SNX27: variants seen among roughly 807,000 people sequenced by gnomAD.
SNX27 encodes sorting nexin-27.
SNX27 carries 22 observed loss-of-function variants against 71.6 expected under a neutral mutation model. The ratio of observed to expected loss-of-function variants is 0.31; its 90% CI spans 0.22 to 0.44. The LOEUF is 0.44. Among genes scored for constraint, SNX27 ranks in the 20% least tolerant of loss-of-function variants. The pLI is 1.00. For synonymous variants in SNX27, 269 were observed against 277.2 expected (o/e 0.97, Z 0.29); for missense variants, 531 against 698.6 (o/e 0.76, Z 2.70).
At position 151,693,428 on chromosome 1, in the gene SNX27, A is replaced by G. The variant is rs753870444; in HGVS notation, c.1523A>G (p.Asn508Ser). ...RWVKIFTPYFNYMHECFERVF... is the reference protein window; with the variant it reads ...RWVKIFTPYFSYMHECFERVF... ...TGTCACCACCTTTTTTTTCAGTTCA[A>G]TTACATGCATGAGTGCTTCGAGAGG... Residue 508 changes from asparagine (N) to serine (S), a missense_variant, in exon 11 of 12, where the codon AAT (asparagine) becomes AGT (serine). Coordinates refer to ENST00000458013, the MANE Select transcript of SNX27 (RefSeq NM_001330723.2). 1.4e-5 allele frequency: 22 copies of G among 1,613,976 alleles called. No homozygotes were observed. The highest frequency in any genetic ancestry group is 3.3e-5 in the Admixed American group (2 of 59,964).
intron 7 of SNX27, among the ~76,000 whole-genome samples, chr1:151,670,603 GAT>G (rs746074436): frequency 3.7e-4 from 56 of 152,228 alleles, no homozygotes; most frequent in Middle Eastern, 6.8e-3. Context: ...AGGGTGAGAT[GAT>G]ATCTCATTGT....
chr1:151,648,254 C>T lies in SNX27; in HGVS notation c.543+9135C>T, dbSNP rs191700306. On this transcript the variant is annotated intron_variant, in intron 2 of 11. Coordinates refer to ENST00000458013, the MANE Select transcript of SNX27 (RefSeq NM_001330723.2). ...GTTTTTGGTAGAGATGGGGTTTCAT[C>T]ATGTTGCCCAGGCTGGTCTTGAACT... Among the ~76,000 whole-genome samples, 115 of 152,196 alleles carry T rather than the reference C, an allele frequency of 7.6e-4. 2 individuals are homozygous for T. In the East Asian group the frequency reaches 0.015, roughly 19 times the overall value.
chr1:151,624,932 C>T (rs1278068753), intron 1 of SNX27, among the ~76,000 whole-genome samples: 1 of 152,114 alleles, frequency 6.6e-6, no homozygotes, highest in African/African-American at 2.4e-5. Flanking sequence ...CTTGTTACTT[C>T]TGGCTGGAGG....
chr1:151,664,738 G>T (rs1178413752), intron 5 of SNX27, among the ~76,000 whole-genome samples: 1 of 152,052 alleles, frequency 6.6e-6, no homozygotes, highest in African/African-American at 2.4e-5. Flanking sequence ...AGGATCTCAG[G>T]CATTTATGAA....
chr1:151,671,604 G>A (rs1457927474), intron 7 of SNX27, among the ~76,000 whole-genome samples: 3 of 151,804 alleles, frequency 2.0e-5, no homozygotes, highest in African/African-American at 7.3e-5. Context: ...ATAAATTTTA[G>A]GATAGTTTTT....
chr1:151,627,969 A>G (rs1668022449), intron 1 of SNX27, among the ~76,000 whole-genome samples: 1 of 150,924 alleles, frequency 6.6e-6, no homozygotes, highest in African/African-American at 2.4e-5. Context: ...TCCCTTGGCA[A>G]CATGGACTTA....
intron 8 of SNX27, 50 bp downstream of exon 8, chr1:151,683,495 A>G (rs1671060804): frequency 1.5e-6 from 2 of 1,378,572 alleles, no homozygotes; most frequent in Non-Finnish European, 2.0e-6. Context: ...TCCTACCTTT[A>G]AAACCTATAG....
chr1:151,664,989 C>G (rs912438913), intron 5 of SNX27, among the ~76,000 whole-genome samples: 15 of 152,152 alleles, frequency 9.9e-5, no homozygotes, highest in Admixed American at 1.3e-4. Context: ...ATGTCCAGTT[C>G]CTCTATCACA....
At chr1:151,693,086 G>GTTT in intron 10 of SNX27, 47 bp downstream of exon 10, 1 of 1,472,446 alleles carries the variant, frequency 6.8e-7, no homozygotes, top group South Asian at 1.3e-5. Context: ...TTGTTTTTTT[G>GTTT]TTTTTTTTTT....
intron 5 of SNX27, among the ~76,000 whole-genome samples, chr1:151,662,931 G>A (rs940600729): frequency 4.0e-5 from 6 of 148,360 alleles, no homozygotes; most frequent in African/African-American, 1.5e-4. Context: ...TTTCCTTTAA[G>A]TATTTAAAGG....
intron 2 of SNX27, among the ~76,000 whole-genome samples, chr1:151,649,387 A>C (rs1669219629): frequency 6.6e-6 from 1 of 152,006 alleles, no homozygotes; most frequent in African/African-American, 2.4e-5. Flanking sequence ...GCTTGAGATC[A>C]CCCTGGGCAA....
In SNX27 at chr1:151,621,105, A is replaced by G. The variant is rs542830879; in HGVS notation, c.311+8593A>G. Among the ~76,000 whole-genome samples, 13 of 152,332 alleles carry G rather than the reference A, an allele frequency of 8.5e-5. No individual in the cohort carries two copies. In the East Asian group the frequency reaches 1.4e-3, roughly 16 times the overall value. Reference sequence around the variant, plus strand: ...GTACTAAAGTTTACACTTAATACCTACCTTCAAAATGAAAATTCATGTGAA... The same window carrying G: ...GTACTAAAGTTTACACTTAATACCTGCCTTCAAAATGAAAATTCATGTGAA... On this transcript the variant is annotated intron_variant, in intron 1 of 11. Coordinates refer to ENST00000458013, the MANE Select transcript of SNX27 (RefSeq NM_001330723.2).
chr1:151,693,823 C>T, intron 11 of SNX27: 1 of 1,441,624 alleles, frequency 6.9e-7, no homozygotes, highest in Admixed American at 2.8e-5. Context: ...GGAAGCTGTC[C>T]TCAGTTGTAG....
chr1:151,692,523 T>C lies in SNX27; in HGVS notation c.1328T>C (p.Ile443Thr). 2 of 1,585,784 alleles carry C rather than the reference T, an allele frequency of 1.3e-6. No individual in the cohort carries two copies. Among genetic ancestry groups the C allele is most frequent in the Non-Finnish European group, 1.7e-6 (2 of 1,162,636 alleles). The change falls in exon 9 of 12, where the codon ATC becomes ACC. Residue 443 changes from isoleucine to threonine, a missense_variant. Around this residue, in one of 5 missense-constraint regions of SNX27, gnomAD observed 157 missense variants for 178.4 expected, o/e 0.88. Coordinates refer to ENST00000458013, the MANE Select transcript of SNX27 (RefSeq NM_001330723.2). Reference sequence around the variant, plus strand: ...GACTCCAGGAGGAAGGGGCACGTTATCACAGCCATCAGCATCACGCACTTT... The same window carrying C: ...GACTCCAGGAGGAAGGGGCACGTTACCACAGCCATCAGCATCACGCACTTT... ...ACDSRRKGHV[I>T]TAISITHFKL...
intron 8 of SNX27, among the ~76,000 whole-genome samples, chr1:151,683,881 G>A (rs1444583264): frequency 6.6e-6 from 1 of 152,098 alleles, no homozygotes; most frequent in Non-Finnish European, 1.5e-5. Flanking sequence ...TGGCCAGGCT[G>A]GTCTCGAACT....
At chr1:151,680,219 T>C (rs989076345) in intron 7 of SNX27, 5 of 150,932 alleles carry the variant, frequency 3.3e-5, no homozygotes, top group African/African-American at 1.2e-4. Context: ...TGGCATGATC[T>C]GGGCTCACGG....
At chr1:151,677,547 T>C (rs1571861039) in intron 7 of SNX27, 1 of 151,946 alleles carries the variant, frequency 6.6e-6, no homozygotes. Flanking sequence ...CATAGGTGGG[T>C]TTGTTTATTT....
At chr1:151,663,190 G>A (rs981495558) in intron 5 of SNX27, among the ~76,000 whole-genome samples, 3 of 147,008 alleles carry the variant, frequency 2.0e-5, no homozygotes, top group Admixed American at 6.9e-5. Context: ...TTGCTCTGTC[G>A]CCCAGACTGG....
At chr1:151,693,723 A>G in intron 11 of SNX27, 3 of 1,598,320 alleles carry the variant, frequency 1.9e-6, no homozygotes, top group East Asian at 4.5e-5. Context: ...GACATTGGCT[A>G]CAGGCTCTTC....
Sources: allele counts gnomAD v4.1 joint callset (sites outside exome capture counted in the v4.1 genomes callset), GRCh38; gene constraint gnomAD v4.1.1; regional missense constraint gnomAD v4.1.1; transcripts MANE v1.5; gene names NCBI Gene and HGNC (gene_info 2026-07-23, HGNC 2026-07-21).